The following CTNNA3 variants were observed in gnomAD, a reference collection of about 807,000 sequenced individuals.
CTNNA3 encodes the protein catenin alpha-3.
A neutral mutation model predicts 95.7 loss-of-function variants in CTNNA3; 76 were observed. The observed-to-expected ratio is 0.79, with a 90% CI of 0.66 to 0.96. The LOEUF is 0.96. Ranked by LOEUF, CTNNA3 falls within the 40% of genes least tolerant of loss-of-function variation. CTNNA3 has a pLI of 0.00. For missense variants in CTNNA3, 1,191 were observed against 1,089.8 expected (o/e 1.09, Z -1.31); for synonymous variants, 431 against 374.4 (o/e 1.15, Z -1.74).
intron 13 of CTNNA3, among the ~76,000 whole-genome samples, chr10:66,148,620 A>AAAGT (rs1032769222): frequency 6.6e-6 from 1 of 152,072 alleles, no homozygotes; most frequent in African/African-American, 2.4e-5. Context: ...ATACAGTGAG[A>AAAGT]AAGTGCCATC....
intron 5 of CTNNA3, among the ~76,000 whole-genome samples, chr10:67,250,461 C>A: frequency 6.6e-6 from 1 of 152,084 alleles, no homozygotes; most frequent in East Asian, 1.9e-4. Flanking sequence ...ATGATCTGCT[C>A]ACCTCGGCCT....
intron 9 of CTNNA3, among the ~76,000 whole-genome samples, chr10:66,731,486 A>G (rs1268088131): frequency 6.6e-6 from 1 of 151,948 alleles, no homozygotes; most frequent in Non-Finnish European, 1.5e-5. Context: ...AAATTTAAGC[A>G]TAACTCTGGC....
chr10:66,731,973 A>G (rs1227013325), intron 9 of CTNNA3, among the ~76,000 whole-genome samples: 1 of 152,202 alleles, frequency 6.6e-6, no homozygotes, highest in Non-Finnish European at 1.5e-5. Flanking sequence ...TGATTTGAAA[A>G]GTTCAGAAAA....
intron 11 of CTNNA3, among the ~76,000 whole-genome samples, chr10:66,520,245 CTTTTTTTTTT>C (rs543882241): frequency 3.8e-5 from 3 of 78,012 alleles, no homozygotes; most frequent in African/African-American, 1.6e-4. Context: ...TAGTATTATT[CTTTTTTTTTT>C]TTTTTTTTTT....
At chr10:66,630,529 G>A (rs1256988631) in intron 9 of CTNNA3, among the ~76,000 whole-genome samples, 1 of 152,062 alleles carries the variant, frequency 6.6e-6, no homozygotes, top group Non-Finnish European at 1.5e-5. Flanking sequence ...CTCTTAAAGG[G>A]CCCAAGCTGG....
intron 10 of CTNNA3, among the ~76,000 whole-genome samples, chr10:66,548,325 A>G (rs576758724): frequency 3.1e-4 from 47 of 152,254 alleles, no homozygotes; most frequent in African/African-American, 1.0e-3. Flanking sequence ...AAATACTGAC[A>G]CTGTATCCAG....
intron 9 of CTNNA3, among the ~76,000 whole-genome samples, chr10:66,739,486 T>G (rs2132691780): frequency 6.6e-6 from 1 of 152,314 alleles, no homozygotes; most frequent in Middle Eastern, 3.4e-3. Context: ...CACGAGCATG[T>G]AAGGAAAGGT....
chr10:66,468,133 G>T (rs1395364930), intron 11 of CTNNA3, among the ~76,000 whole-genome samples: 1 of 151,910 alleles, frequency 6.6e-6, no homozygotes, highest in Non-Finnish European at 1.5e-5. Context: ...TTTGTTGTTG[G>T]CTGTCCGAAG....
intron 1 of CTNNA3, among the ~76,000 whole-genome samples, chr10:67,729,437 A>G (rs1435790366): frequency 6.6e-6 from 1 of 152,156 alleles, no homozygotes; most frequent in East Asian, 1.9e-4. Context: ...ATTTCTAAAC[A>G]TCCCAAAACA....
At chr10:67,343,205 C>T (rs991924756) in intron 5 of CTNNA3, among the ~76,000 whole-genome samples, 5 of 152,166 alleles carry the variant, frequency 3.3e-5, no homozygotes, top group Non-Finnish European at 7.4e-5. Flanking sequence ...CCCGCCTTGG[C>T]CTCCCAAAGT....
Position 67,708,840 on chromosome 10 carries a change from C to G in CTNNA3, c.-2+54594G>C, listed in dbSNP as rs1025233461. Among the ~76,000 whole-genome samples, 3 of 152,122 alleles carry G rather than the reference C, an allele frequency of 2.0e-5. No individual in the cohort carries two copies. The South Asian group carries it at 6.2e-4, about 32-fold the overall frequency. ...TTCCTGTATGAATTTACATAGTCCT[C>G]GAACCCATCAGAACTTATACTCTCT... On this transcript the variant is annotated intron_variant, in intron 1 of 17. Transcript: ENST00000684154.
At chr10:65,956,366 G>C (rs2077732476) in intron 17 of CTNNA3, among the ~76,000 whole-genome samples, 1 of 152,038 alleles carries the variant, frequency 6.6e-6, no homozygotes. Flanking sequence ...ATTTTTGAAG[G>C]GTTTTTTGTG....
At chr10:67,667,472 T>G (rs769525313) in intron 1 of CTNNA3, among the ~76,000 whole-genome samples, 38 of 152,250 alleles carry the variant, frequency 2.5e-4, no homozygotes, top group Middle Eastern at 3.4e-3. Context: ...GAAAAAGCAA[T>G]TTCAAAGAGC....
At chr10:66,580,770 G>C (rs1843157848) in intron 10 of CTNNA3, among the ~76,000 whole-genome samples, 1 of 151,646 alleles carries the variant, frequency 6.6e-6, no homozygotes, top group Admixed American at 6.6e-5. Context: ...GCCTGGTGAG[G>C]GTAATCTTTA....
At chr10:66,631,410 A>G (rs528467250) in intron 9 of CTNNA3, among the ~76,000 whole-genome samples, 1 of 152,314 alleles carries the variant, frequency 6.6e-6, no homozygotes, top group African/African-American at 2.4e-5. Flanking sequence ...ACTGTGTAAT[A>G]AAAAATAATA....
chr10:66,637,646 C>T (rs949518488), intron 9 of CTNNA3, among the ~76,000 whole-genome samples: 11 of 152,220 alleles, frequency 7.2e-5, no homozygotes, highest in African/African-American at 2.7e-4. Context: ...AGGTTGCTTC[C>T]TTCCCCAGCT....
intron 5 of CTNNA3, among the ~76,000 whole-genome samples, chr10:67,296,573 GT>G (rs1840039012): frequency 6.6e-6 from 1 of 152,180 alleles, no homozygotes; most frequent in African/African-American, 2.4e-5. Flanking sequence ...CATCCTCCAG[GT>G]TGAAAGGGGT....
At chr10:66,666,965 T>C (rs564094074) in intron 9 of CTNNA3, among the ~76,000 whole-genome samples, 1 of 152,038 alleles carries the variant, frequency 6.6e-6, no homozygotes, top group Non-Finnish European at 1.5e-5. Context: ...TAGTTTTTTT[T>C]AAAAAAAGGC....
chr10:67,673,529 C>T (rs1208253894), intron 1 of CTNNA3, among the ~76,000 whole-genome samples: 5 of 150,266 alleles, frequency 3.3e-5, no homozygotes, highest in South Asian at 4.2e-4. Flanking sequence ...TTTTGAAATA[C>T]GTCCCATCAA....
Sources: gnomAD v4.1 joint callset for allele counts (sites outside exome capture counted in the v4.1 genomes callset) on GRCh38, gnomAD v4.1.1 for gene constraint, MANE v1.5 for transcripts, NCBI Gene and HGNC (gene_info 2026-07-23, HGNC 2026-07-21) for gene names.